Variants in C2orf76 observed in about 807,000 individuals in gnomAD.
The protein encoded by C2orf76 is UPF0538 protein C2orf76.
C2orf76 carries 23 observed loss-of-function variants against 16.9 expected under a neutral mutation model. That is an observed-to-expected ratio of 1.36 (90% confidence interval 0.98 to 1.93). C2orf76 has a LOEUF of 1.93. C2orf76 is among the 30% of genes most tolerant of loss of function. C2orf76 has a pLI of 0.00. For synonymous variants in C2orf76, 48 were observed against 52.3 expected (o/e 0.92, Z 0.35); for missense variants, 152 against 152.6 (o/e 1.00, Z 0.02).
intron 1 of C2orf76, among the ~76,000 whole-genome samples, chr2:119,346,364 G>T (rs1232896681): frequency 6.6e-6 from 1 of 152,184 alleles, no homozygotes; most frequent in Non-Finnish European, 1.5e-5. Flanking sequence ...CATGTGTAAT[G>T]CCCCAAAACT....
chr2:119,362,489 C>A (rs4411704), intron 1 of C2orf76, among the ~76,000 whole-genome samples: 26,351 of 152,160 alleles, frequency 0.17, 2,469 homozygotes, highest in East Asian at 0.23. Flanking sequence ...TTGTCATGTG[C>A]AGCTAGGAGC....
Position 119,347,963 on chromosome 2 carries a change from C to G in C2orf76, c.-12-7992G>C, listed in dbSNP as rs139072732. ...GCTGAGGCAGAAAGATCACTTGAGC[C>G]AGAAGTTTGAGGCTGCAGTGAGCTA... On this transcript the variant is annotated intron_variant, in intron 1 of 5. Transcript: ENST00000334816. 9.8e-4 allele frequency among the ~76,000 whole-genome samples: 145 copies of G among 148,466 alleles called. 2 individuals carry two copies. Among genetic ancestry groups the G allele is most frequent in the African/African-American group, 3.5e-3 (141 of 39,844 alleles).
At chr2:119,318,480 A>T (rs75940730) in intron 3 of C2orf76, among the ~76,000 whole-genome samples, 4,777 of 152,016 alleles carry the variant, frequency 0.031, 91 homozygotes, top group South Asian at 0.08. Context: ...AAGAACTAGC[A>T]CTCTGAATTT....
intron 5 of C2orf76, among the ~76,000 whole-genome samples, chr2:119,304,167 G>T (rs556545376): frequency 6.6e-6 from 1 of 152,156 alleles, no homozygotes; most frequent in South Asian, 2.1e-4. Context: ...AGAGGTAGAT[G>T]TATATAATTT....
chr2:119,324,358 T>C (rs961045246), intron 2 of C2orf76, among the ~76,000 whole-genome samples: 6 of 152,244 alleles, frequency 3.9e-5, no homozygotes, highest in African/African-American at 1.4e-4. Context: ...TTCTCTGATA[T>C]TGTTTCCTTC....
At chr2:119,367,113 T>A, upstream of C2orf76, 1 of 1,610,708 alleles carries the variant, frequency 6.2e-7, no homozygotes, top group Non-Finnish European at 8.5e-7. Flanking sequence ...GGAGGCCCGT[T>A]GGGGGCTCAG....
the C2orf76 span, among the ~76,000 whole-genome samples, chr2:119,282,140 C>T: frequency 6.9e-6 from 1 of 144,130 alleles, no homozygotes; most frequent in Admixed American, 6.8e-5. Context: ...AGCCAGACTC[C>T]GTCTCAAAGA....
At position 119,338,490 on chromosome 2, in the gene C2orf76, G is replaced by C. The variant is rs190141977; in HGVS notation, c.133+1337C>G. Among the ~76,000 whole-genome samples, 116 of 152,238 alleles carry C rather than the reference G, an allele frequency of 7.6e-4. 1 individual carries two copies. Among genetic ancestry groups the C allele is most frequent in the African/African-American group, 2.7e-3 (114 of 41,536 alleles). ...CTTGTCACTTCTCTAAAATTTTACT[G>C]TTCTTTGTTGAGGATGCTACCTAAT... On this transcript the variant is annotated intron_variant, in intron 2 of 5. Coordinates refer to ENST00000334816, the MANE Select transcript of C2orf76 (RefSeq NM_001322331.2).
At chr2:119,319,984 T>C (rs1216098953) in intron 3 of C2orf76, among the ~76,000 whole-genome samples, 1 of 152,222 alleles carries the variant, frequency 6.6e-6, no homozygotes, top group African/African-American at 2.4e-5. Flanking sequence ...TTCTATAATT[T>C]CTTCACAAAT....
At chr2:119,289,634 C>T in the C2orf76 span, among the ~76,000 whole-genome samples, 2,050 of 151,002 alleles carry the variant, frequency 0.014, 35 homozygotes, top group African/African-American at 0.044. Context: ...TGCAGTGAGC[C>T]GAGATCGTAC....
At chr2:119,317,580 G>A (rs1381908334) in intron 3 of C2orf76, 77 bp from the exon 4 acceptor site, 5 of 1,202,126 alleles carry the variant, frequency 4.2e-6, no homozygotes, top group Non-Finnish European at 4.8e-6. Flanking sequence ...TGGGTGGAGG[G>A]TGGCTACGAA....
chr2:119,360,507 T>C (rs1208868049), intron 1 of C2orf76, among the ~76,000 whole-genome samples: 2 of 143,004 alleles, frequency 1.4e-5, no homozygotes, highest in Admixed American at 6.9e-5. Flanking sequence ...AAAAGATATA[T>C]ACACCTGTTT....
In C2orf76 at chr2:119,302,437, T is replaced by A; in HGVS notation, c.*35A>T. 1.2e-6 allele frequency: 1 copy of A among 862,298 alleles called. No individual in the cohort carries two copies. The highest frequency in any genetic ancestry group is 1.9e-6 in the Non-Finnish European group (1 of 540,180). The allele number at this position is 862,298 out of a possible 1,614,324, so 53.4% of individuals were successfully genotyped here. A position where few individuals can be genotyped will look rare whatever the true frequency, so the allele number is the denominator to read the frequency against. On this transcript the variant is annotated 3_prime_UTR_variant, in exon 6 of 6. Coordinates refer to ENST00000334816, the MANE Select transcript of C2orf76 (RefSeq NM_001322331.2). ...TTCAGCAGTGGAATAAAGAGCTTAA[T>A]ACAGGTATGCAAAAAGGAAGCCCTC...
At chr2:119,289,405 T>C in the C2orf76 span, among the ~76,000 whole-genome samples, 1 of 151,960 alleles carries the variant, frequency 6.6e-6, no homozygotes, top group Non-Finnish European at 1.5e-5. Context: ...AAGCGCAGGG[T>C]GGCCGGGCGC....
intron 1 of C2orf76, among the ~76,000 whole-genome samples, chr2:119,350,662 T>C (rs1269821969): frequency 6.6e-6 from 1 of 152,188 alleles, no homozygotes; most frequent in African/African-American, 2.4e-5. Context: ...GAAGCATAGC[T>C]TGGAAGCTTT....
rs190347845 is a variant in C2orf76 at position 119,311,216 on chromosome 2, C to T, written c.304+406G>A. The T allele has an allele frequency of 2.2e-4, 220 of 985,446 alleles. 1 individual carries two copies. Among genetic ancestry groups the T allele is most frequent in the Non-Finnish European group, 2.3e-5 (19 of 829,932 alleles). 61.0% of individuals were successfully genotyped at this position (985,446 alleles called of 1,614,324 possible). ...GGCCCTGAGTGATTCGGAAGACTAT[C>T]AAAAACCACACTGCATGTGATACCA... On this transcript the variant is annotated intron_variant, in intron 5 of 5. Transcript: ENST00000334816.
intron 1 of C2orf76, among the ~76,000 whole-genome samples, chr2:119,354,096 A>G (rs1322999376): frequency 1.3e-5 from 2 of 152,236 alleles, no homozygotes; most frequent in African/African-American, 2.4e-5. Flanking sequence ...TACAACTTAT[A>G]TATGTATTGA....
At chr2:119,289,413 C>T in the C2orf76 span, among the ~76,000 whole-genome samples, 21 of 152,100 alleles carry the variant, frequency 1.4e-4, 1 homozygote, top group Non-Finnish European at 2.5e-4. Flanking sequence ...GGTGGCCGGG[C>T]GCAGTGGCTC....
chr2:119,340,222 A>G (rs1679982476), intron 1 of C2orf76: 1 of 370,914 alleles, frequency 2.7e-6, no homozygotes, highest in Non-Finnish European at 5.0e-6. Context: ...CAGAAAACTG[A>G]CAGAGTACAG....
Sources: allele counts gnomAD v4.1 joint callset (sites outside exome capture counted in the v4.1 genomes callset), GRCh38; gene constraint gnomAD v4.1.1; transcripts MANE v1.5; gene names NCBI Gene and HGNC (gene_info 2026-07-23, HGNC 2026-07-21).